The following PLCB1 variants were observed in gnomAD, a reference collection of about 807,000 sequenced individuals.
PLCB1 encodes phospholipase C beta 1, also known as 1-phosphatidylinositol 4,5-bisphosphate phosphodiesterase beta-1.
A neutral mutation model predicts 161.8 loss-of-function variants in PLCB1; 46 were observed. The ratio of observed to expected loss-of-function variants is 0.28; its 90% CI spans 0.22 to 0.36. PLCB1 has a LOEUF of 0.36. PLCB1 is among the 10% of genes least tolerant of loss of function. The pLI is 1.00. For synonymous variants in PLCB1, 517 were observed against 503.7 expected (o/e 1.03, Z -0.35); for missense variants, 1,016 against 1,472.5 (o/e 0.69, Z 5.07).
chr20:8,623,022 T>C (rs1409473779), intron 3 of PLCB1, among the ~76,000 whole-genome samples: 1 of 152,174 alleles, frequency 6.6e-6, no homozygotes, highest in African/African-American at 2.4e-5. Context: ...TCAATCCCAT[T>C]TTCTGCTTCT....
At chr20:8,382,420 C>G (rs1987286763) in intron 3 of PLCB1, among the ~76,000 whole-genome samples, 1 of 149,928 alleles carries the variant, frequency 6.7e-6, no homozygotes, top group Non-Finnish European at 1.5e-5. Flanking sequence ...GTAGCTGGGA[C>G]TACAGGTGCC....
At chr20:8,359,316 A>G (rs1347892126) in intron 2 of PLCB1, among the ~76,000 whole-genome samples, 3 of 152,186 alleles carry the variant, frequency 2.0e-5, no homozygotes, top group African/African-American at 4.8e-5. Flanking sequence ...ATGTTTATCA[A>G]CTTTGGAGTA....
At chr20:8,834,663 A>C (rs1207782918) in intron 31 of PLCB1, among the ~76,000 whole-genome samples, 1 of 151,916 alleles carries the variant, frequency 6.6e-6, no homozygotes. Context: ...AAAAATACAA[A>C]AATTAGCTGG....
rs1459308037 is a variant in PLCB1, at chr20:8,883,385, T to C, written c.*1536T>C. ...AAGGTAAAACTGATCAAAAGCATAA[T>C]TGAAAGTTCTGAAAAAAGAAAAATA... On this transcript the variant is annotated 3_prime_UTR_variant, in exon 32 of 32. Coordinates refer to ENST00000338037, the MANE Select transcript of PLCB1 (RefSeq NM_015192.4). The C allele has an allele frequency of 2.0e-5, 3 of 152,000 alleles. No individual in the cohort carries two copies. Among genetic ancestry groups the C allele is most frequent in the Admixed American group, 6.6e-5 (1 of 15,264 alleles). 9.4% of individuals were successfully genotyped at this position (152,000 alleles called of 1,614,324 possible).
chr20:8,604,895 G>T (rs1455846656), intron 3 of PLCB1, among the ~76,000 whole-genome samples: 2 of 152,050 alleles, frequency 1.3e-5, no homozygotes, highest in East Asian at 1.9e-4. Context: ...TGGGTAGAGG[G>T]TTTGTTAGCT....
At chr20:8,770,926 G>A (rs972380613) in intron 26 of PLCB1, among the ~76,000 whole-genome samples, 2 of 151,992 alleles carry the variant, frequency 1.3e-5, no homozygotes, top group African/African-American at 4.8e-5. Flanking sequence ...ATTCATTTTT[G>A]TATTTACTTG....
intron 24 of PLCB1, among the ~76,000 whole-genome samples, chr20:8,759,392 T>C (rs1228962684): frequency 6.6e-6 from 1 of 152,242 alleles, no homozygotes; most frequent in South Asian, 2.1e-4. Flanking sequence ...TATGCAAATA[T>C]CCTGTTCTTC....
At chr20:8,392,271 A>C (rs1048471111) in intron 3 of PLCB1, among the ~76,000 whole-genome samples, 5 of 152,100 alleles carry the variant, frequency 3.3e-5, no homozygotes, top group African/African-American at 1.2e-4. Flanking sequence ...AGGACACAGC[A>C]TTCGAAATGC....
chr20:8,357,040 T>C (rs1007199595), intron 2 of PLCB1, among the ~76,000 whole-genome samples: 1 of 152,196 alleles, frequency 6.6e-6, no homozygotes, highest in African/African-American at 2.4e-5. Flanking sequence ...AGAAGAAATA[T>C]ATTGTGCAAT....
At chr20:8,436,943 C>T (rs1331080114) in intron 3 of PLCB1, among the ~76,000 whole-genome samples, 2 of 152,076 alleles carry the variant, frequency 1.3e-5, no homozygotes, top group Non-Finnish European at 2.9e-5. Flanking sequence ...GCGTGTGCCA[C>T]CACACCCAGC....
At chr20:8,855,481 A>G (rs1297748106) in intron 31 of PLCB1, among the ~76,000 whole-genome samples, 1 of 152,196 alleles carries the variant, frequency 6.6e-6, no homozygotes, top group Non-Finnish European at 1.5e-5. Context: ...ATTCTAAGAA[A>G]TGTGCTGTGA....
intron 3 of PLCB1, among the ~76,000 whole-genome samples, chr20:8,384,397 C>G (rs530706953): frequency 3.3e-5 from 5 of 152,086 alleles, no homozygotes; most frequent in African/African-American, 1.2e-4. Context: ...CCTCTCTAAA[C>G]TGGTTTTCTA....
chr20:8,209,655 T>C (rs1264487073), intron 2 of PLCB1, among the ~76,000 whole-genome samples: 2 of 152,156 alleles, frequency 1.3e-5, no homozygotes, highest in Non-Finnish European at 2.9e-5. Context: ...TACAGAAGTA[T>C]GTGAAACAAA....
chr20:8,753,596 C>A (rs2123554785), intron 23 of PLCB1, among the ~76,000 whole-genome samples: 1 of 152,220 alleles, frequency 6.6e-6, no homozygotes. Context: ...CCTGTCACTT[C>A]AGCATTACTA....
intron 31 of PLCB1, among the ~76,000 whole-genome samples, chr20:8,868,824 G>A (rs967739157): frequency 2.0e-5 from 3 of 151,962 alleles, no homozygotes; most frequent in African/African-American, 4.8e-5. Flanking sequence ...AGTAGAGATG[G>A]GATTTCACCA....
At chr20:8,786,684 C>CT (rs1360056010) in intron 27 of PLCB1, among the ~76,000 whole-genome samples, 3 of 144,200 alleles carry the variant, frequency 2.1e-5, no homozygotes, top group African/African-American at 5.0e-5. Flanking sequence ...ACATGTGAAT[C>CT]TTTTTTGTTT....
intron 31 of PLCB1, chr20:8,792,792 A>T (rs1269184238): frequency 2.7e-6 from 1 of 366,870 alleles, no homozygotes; most frequent in Admixed American, 3.7e-5. Flanking sequence ...GACTGTTAAC[A>T]TTGTAGGACA....
chr20:8,238,048 A>T (rs1001325714), intron 2 of PLCB1, among the ~76,000 whole-genome samples: 1 of 152,020 alleles, frequency 6.6e-6, no homozygotes, highest in Non-Finnish European at 1.5e-5. Flanking sequence ...ATGGTCTGAA[A>T]CTCAACGAAA....
intron 2 of PLCB1, among the ~76,000 whole-genome samples, chr20:8,362,585 G>A (rs1473896885): frequency 5.3e-5 from 8 of 152,168 alleles, no homozygotes; most frequent in African/African-American, 1.9e-4. Context: ...ACTCTTAGAT[G>A]AGCGTGTAGG....
Sources: allele counts gnomAD v4.1 joint callset (sites outside exome capture counted in the v4.1 genomes callset), GRCh38; gene constraint gnomAD v4.1.1; transcripts MANE v1.5; gene names NCBI Gene and HGNC (gene_info 2026-07-23, HGNC 2026-07-21).